Variants in ZRANB3 observed in about 807,000 individuals in gnomAD.
ZRANB3 encodes zinc finger RANBP2-type containing 3, also known as DNA annealing helicase and endonuclease ZRANB3.
A neutral mutation model predicts 133.8 loss-of-function variants in ZRANB3; 125 were observed. The observed-to-expected ratio is 0.93, with a 90% CI of 0.81 to 1.08. ZRANB3 has a LOEUF of 1.08. Ranked by LOEUF, ZRANB3 falls within the 50% of genes least tolerant of loss-of-function variation. The probability of loss-of-function intolerance (pLI) is 0.00; values close to 1 mark genes in which losing one functional copy is unlikely to be tolerated. For missense variants in ZRANB3, 1,229 were observed against 1,275.5 expected, an observed-to-expected ratio of 0.96 and a Z score of 0.56; for synonymous variants, 387 against 432.7, an observed-to-expected ratio of 0.89 and a Z score of 1.31.
At chr2:135,414,790 A>G (rs1199982175) in intron 2 of ZRANB3, among the ~76,000 whole-genome samples, 2 of 152,202 alleles carry the variant, frequency 1.3e-5, no homozygotes, top group East Asian at 1.9e-4. Context: ...AGAACTCAGG[A>G]TTAAGAATCT....
chr2:135,401,381 C>T (rs558295662), intron 2 of ZRANB3, among the ~76,000 whole-genome samples: 1 of 152,254 alleles, frequency 6.6e-6, no homozygotes, highest in Non-Finnish European at 1.5e-5. Context: ...GGCTATAGTG[C>T]TTCCAAATCA....
chr2:135,202,972 A>G lies in ZRANB3; in HGVS notation c.3010-9T>C, dbSNP rs898938997. 6.2e-7 allele frequency: 1 copy of G among 1,610,576 alleles called. No homozygotes were observed. The highest frequency in any genetic ancestry group is 1.3e-5 in the African/African-American group (1 of 75,014). On this transcript the variant is annotated splice_polypyrimidine_tract_variant and intron_variant, in intron 19 of 20. Transcript: ENST00000264159. ...CTTATCATTTCATTTAGCTGCAATA[A>G]GAATACAAGATCAGCAATTTTCAAC...
intron 2 of ZRANB3, among the ~76,000 whole-genome samples, chr2:135,433,999 AC>A (rs570742728): frequency 1.4e-4 from 22 of 152,208 alleles, no homozygotes; most frequent in African/African-American, 5.1e-4. Flanking sequence ...CCGTCTCAAA[AC>A]AAAACAAAAA....
chr2:135,276,913 T>G (rs932158910), intron 8 of ZRANB3, among the ~76,000 whole-genome samples: 1 of 152,140 alleles, frequency 6.6e-6, no homozygotes, highest in Non-Finnish European at 1.5e-5. Flanking sequence ...GAAATAATGT[T>G]TAAGTAGTTG....
intron 8 of ZRANB3, among the ~76,000 whole-genome samples, chr2:135,281,783 C>T (rs1029825876): frequency 6.6e-6 from 1 of 152,166 alleles, no homozygotes; most frequent in Admixed American, 6.5e-5. Flanking sequence ...TGTATCATCA[C>T]AAAAATCACA....
Position 135,199,700 on chromosome 2 carries a change from A to G in ZRANB3, c.*642T>C, listed in dbSNP as rs1693541070. ...TGTTTTCAGTTATTTAATAGTTTTAACAATTACTTTACACAGAACCCCCAA... is the reference window on the plus strand; with the variant it reads ...TGTTTTCAGTTATTTAATAGTTTTAGCAATTACTTTACACAGAACCCCCAA... On this transcript the variant is annotated 3_prime_UTR_variant, in exon 21 of 21. Coordinates refer to ENST00000264159, the MANE Select transcript of ZRANB3 (RefSeq NM_032143.4). 2 of 152,206 alleles carry G rather than the reference A, an allele frequency of 1.3e-5. No homozygotes were observed. The highest frequency in any genetic ancestry group is 1.3e-4 in the Admixed American group (2 of 15,280). 9.4% of individuals were successfully genotyped at this position (152,206 alleles called of 1,614,324 possible).
At chr2:135,484,476 T>A (rs1692000071) in intron 2 of ZRANB3, among the ~76,000 whole-genome samples, 1 of 152,006 alleles carries the variant, frequency 6.6e-6, no homozygotes, top group African/African-American at 2.4e-5. Context: ...ATATTCACAA[T>A]ATACATATCC....
intron 2 of ZRANB3, among the ~76,000 whole-genome samples, chr2:135,397,912 G>A (rs1424568673): frequency 2.0e-5 from 3 of 152,094 alleles, no homozygotes; most frequent in Non-Finnish European, 2.9e-5. Flanking sequence ...CATACTTAGG[G>A]TCATTGTCTG....
rs185303604 is a variant in ZRANB3, at chr2:135,520,215, C to T, written c.-8+10912G>A. 1.1e-4 allele frequency among the ~76,000 whole-genome samples: 16 copies of T among 151,708 alleles called. No individual in the cohort carries two copies. The South Asian group carries it at 1.5e-3, about 14-fold the overall frequency. On this transcript the variant is annotated intron_variant, in intron 1 of 20. Transcript: ENST00000264159. ...CCTGGCAAACATAGCGAAAACCCAT[C>T]TCTACTAAAAATAAAAATAAAAATA... is the stretch of plus-strand genomic sequence containing the variant.
chr2:135,269,008 G>A lies in ZRANB3; in HGVS notation c.1340C>T (p.Ala447Val). The change falls in exon 11 of 21, where the codon GCA becomes GTA. Residue 447 changes from alanine to valine, a missense_variant. By Grantham distance (64) the Ala-to-Val change is moderately conservative. Coordinates refer to ENST00000264159, the MANE Select transcript of ZRANB3 (RefSeq NM_032143.4). ...CATAAGGGTGTCTAGGGTTCCATTTGCAATAAGGTAGTGAATATTCACAGA... is the reference window on the plus strand; with the variant it reads ...CATAAGGGTGTCTAGGGTTCCATTTACAATAAGGTAGTGAATATTCACAGA... ...CSSVNIHYLI[A>V]NGTLDTLMWG... 1 of 1,609,810 alleles carries A rather than the reference G, an allele frequency of 6.2e-7. No homozygotes were observed. Among genetic ancestry groups the A allele is most frequent in the African/African-American group, 1.3e-5 (1 of 74,706 alleles).
At chr2:135,272,979 C>A (rs1192098369) in intron 9 of ZRANB3, among the ~76,000 whole-genome samples, 1 of 151,808 alleles carries the variant, frequency 6.6e-6, no homozygotes, top group African/African-American at 2.4e-5. Flanking sequence ...GTCAGGAGAT[C>A]ACGACCATCC....
chr2:135,309,741 G>A (rs1308674724), intron 8 of ZRANB3, among the ~76,000 whole-genome samples: 3 of 151,946 alleles, frequency 2.0e-5, no homozygotes, highest in Admixed American at 6.6e-5. Context: ...CTCTTTTCAG[G>A]GACCAGAAGA....
intron 2 of ZRANB3, among the ~76,000 whole-genome samples, chr2:135,440,914 T>C (rs920712707): frequency 1.3e-5 from 2 of 152,054 alleles, no homozygotes; most frequent in African/African-American, 4.8e-5. Context: ...GCAATAGAAA[T>C]TATCCAATCT....
At chr2:135,373,689 G>A (rs1004839777) in intron 3 of ZRANB3, among the ~76,000 whole-genome samples, 3 of 151,796 alleles carry the variant, frequency 2.0e-5, no homozygotes, top group Admixed American at 2.0e-4. Flanking sequence ...TCGGGAGGCT[G>A]AGGCATAAGA....
intron 1 of ZRANB3, among the ~76,000 whole-genome samples, chr2:135,505,791 AC>A (rs1291478072): frequency 1.3e-5 from 2 of 152,154 alleles, no homozygotes; most frequent in Non-Finnish European, 2.9e-5. Context: ...TCAGGGGAAA[AC>A]TAAAAATTAG....
rs1249725051 is a variant in ZRANB3, at chr2:135,313,515, T to G, written c.940A>C (p.Met314Leu). The G allele has an allele frequency of 3.1e-6, 5 of 1,613,334 alleles. No individual in the cohort carries two copies. The East Asian group carries it at 1.1e-4, about 36-fold the overall frequency. ...METVMGLITRMFKQTAIAKAG... is the reference protein window; with the variant it reads ...METVMGLITRLFKQTAIAKAG... ...TTGGCAATAGCAGTTTGTTTAAACA[T>G]GCGAGTTATCAACCCCATGACTGTC... Residue 314 changes from methionine to leucine, a missense_variant, in exon 8 of 21, where the codon ATG becomes CTG. Physicochemically the swap from Met to Leu is conservative, Grantham distance 15. Transcript: ENST00000264159.
chr2:135,275,801 T>C (rs1284163663), intron 8 of ZRANB3, 46 bp from the exon 9 acceptor site: 4 of 1,395,822 alleles, frequency 2.9e-6, no homozygotes, highest in African/African-American at 3.0e-5. Context: ...AAAATGATTA[T>C]TTAAAATTTA....
chr2:135,340,590 A>T (rs1451296757), intron 6 of ZRANB3, among the ~76,000 whole-genome samples: 2 of 152,146 alleles, frequency 1.3e-5, no homozygotes, highest in Non-Finnish European at 2.9e-5. Context: ...TCACACCTGT[A>T]ATCCCAGCAA....
chr2:135,312,542 C>G (rs1683047149), intron 8 of ZRANB3, among the ~76,000 whole-genome samples: 1 of 152,122 alleles, frequency 6.6e-6, no homozygotes, highest in Admixed American at 6.6e-5. Context: ...GTTTACTTGA[C>G]AGTTACACTA....
Sources: allele counts gnomAD v4.1 joint callset (sites outside exome capture counted in the v4.1 genomes callset), GRCh38; gene constraint gnomAD v4.1.1; transcripts MANE v1.5; gene names NCBI Gene and HGNC (gene_info 2026-07-23, HGNC 2026-07-21).